Variants in TYK2 observed in about 807,000 individuals in gnomAD.
TYK2 encodes the protein tyrosine kinase 2, also known as non-receptor tyrosine-protein kinase TYK2.
A neutral mutation model predicts 130.9 loss-of-function variants in TYK2; 65 were observed. The ratio of observed to expected loss-of-function variants is 0.50; its 90% CI spans 0.41 to 0.61. The LOEUF is 0.61. TYK2 is among the 20% of genes least tolerant of loss of function. TYK2 has a pLI of 0.00. For missense variants in TYK2, 1,378 were observed against 1,610.7 expected (o/e 0.86, Z 2.47); for synonymous variants, 647 against 658.9 (o/e 0.98, Z 0.28).
chr19:10,367,984 G>A lies in TYK2; in HGVS notation c.465+71C>T. On this transcript the variant is annotated intron_variant, in intron 5 of 24. Transcript: ENST00000525621. ...CCTATTAGCTATATTGAATCAGGGA[G>A]GGAAATGGGGGCTCCTCAACTGCCC... The A allele has an allele frequency of 3.8e-6, 6 of 1,564,432 alleles. 1 individual carries two copies. The highest frequency in any genetic ancestry group is 5.3e-6 in the Non-Finnish European group (6 of 1,137,428).
intron 3 of TYK2, among the ~76,000 whole-genome samples, chr19:10,377,531 G>C (rs1191700081): frequency 1.7e-5 from 2 of 116,864 alleles, no homozygotes; most frequent in Non-Finnish European, 3.6e-5. Context: ...TGGGTGGATG[G>C]ATGGATGGAT....
chr19:10,372,244 C>T (rs1448843902), intron 3 of TYK2, among the ~76,000 whole-genome samples: 3 of 149,764 alleles, frequency 2.0e-5, no homozygotes, highest in East Asian at 2.0e-4. Context: ...TCGCCCACCT[C>T]AGCCTCCCAA....
chr19:10,378,834 T>C (rs577707711), intron 2 of TYK2, among the ~76,000 whole-genome samples: 824 of 5,798 alleles, frequency 0.14, 4 homozygotes, highest in Middle Eastern at 0.31. Context: ...TTTTATTTTA[T>C]ATCTTATCTT....
At chr19:10,357,474 T>A (rs1207131374) in intron 17 of TYK2, 2 of 703,188 alleles carry the variant, frequency 2.8e-6, no homozygotes, top group Non-Finnish European at 5.2e-6. Context: ...TCAGCCCTTC[T>A]TCCCCACTCT....
chr19:10,374,021 C>G (rs1437931342), intron 3 of TYK2, among the ~76,000 whole-genome samples: 5 of 152,130 alleles, frequency 3.3e-5, no homozygotes, highest in African/African-American at 4.8e-5. Context: ...AATCCCAGCA[C>G]TTTGGGAGGC....
Position 10,356,724 on chromosome 19 carries a change from G to A in TYK2, c.2467-6C>T. On this transcript the variant is annotated splice_region_variant and splice_polypyrimidine_tract_variant and intron_variant, in intron 17 of 24. Transcript: ENST00000525621. Reference sequence around the variant, plus strand: ...CTCTGGTAGAAATGCTCCTTCTGTTGGGAAAGGGACCCAGAGGAGTCAACA... The same window carrying A: ...CTCTGGTAGAAATGCTCCTTCTGTTAGGAAAGGGACCCAGAGGAGTCAACA... 2.5e-6 allele frequency: 4 copies of A among 1,601,292 alleles called. No individual in the cohort carries two copies. The highest frequency in any genetic ancestry group is 1.3e-5 in the African/African-American group (1 of 74,818).
intron 3 of TYK2, among the ~76,000 whole-genome samples, chr19:10,370,069 G>A (rs1394135949): frequency 1.3e-5 from 2 of 151,130 alleles, no homozygotes; most frequent in Non-Finnish European, 3.0e-5. Flanking sequence ...ACAAAACAAA[G>A]AATCAGCCAT....
intron 17 of TYK2, chr19:10,357,163 C>T (rs1289574328): frequency 1.0e-5 from 4 of 381,456 alleles, no homozygotes; most frequent in Non-Finnish European, 2.0e-5. Flanking sequence ...CCGAGGTGGG[C>T]GGATCACCTG....
chr19:10,369,268 C>G (rs573001721), intron 3 of TYK2, among the ~76,000 whole-genome samples: 1 of 152,210 alleles, frequency 6.6e-6, no homozygotes, highest in South Asian at 2.1e-4. Flanking sequence ...CTGGCTGTCT[C>G]CCCCTGGACA....
chr19:10,368,351 T>C lies in TYK2; in HGVS notation c.261A>G (p.Pro87=), dbSNP rs138055823. Residue 87 remains proline (P), a synonymous_variant, in exon 4 of 25, where the codon CCA becomes CCG. Coordinates refer to ENST00000525621, the MANE Select transcript of TYK2 (RefSeq NM_003331.5). Reference sequence around the variant, plus strand: ...CTCTGGGGATCTCTAGGATGTGGTTTGGGGGCAACCAGACTTGGGCCTGAG... The same window carrying C: ...CTCTGGGGATCTCTAGGATGTGGTTCGGGGGCAACCAGACTTGGGCCTGAG... ...FDAQAQVWLP[P]NHILEIPRDA... The C allele has an allele frequency of 3.3e-5, 53 of 1,613,966 alleles. No homozygotes were observed. In the African/African-American group the frequency reaches 6.3e-4, roughly 19 times the overall value.
chr19:10,355,637 T>A, intron 18 of TYK2, among the ~76,000 whole-genome samples: 1 of 105,034 alleles, frequency 9.5e-6, no homozygotes. Context: ...CAAAACTCCA[T>A]CTCAAAAAAA....
chr19:10,351,960 G>C (rs1277894398), intron 23 of TYK2, among the ~76,000 whole-genome samples: 3 of 151,484 alleles, frequency 2.0e-5, no homozygotes, highest in Admixed American at 2.0e-4. Context: ...GGCTGGTCTC[G>C]ATCTCCTGAC....
chr19:10,373,916 T>C (rs2042012925), intron 3 of TYK2, among the ~76,000 whole-genome samples: 1 of 152,104 alleles, frequency 6.6e-6, no homozygotes, highest in Non-Finnish European at 1.5e-5. Flanking sequence ...CCATGCATGC[T>C]GTTCCCTCTG....
At chr19:10,368,442 C>A (rs2041765961) in intron 3 of TYK2, 24 bp from the exon 4 acceptor site, 2 of 1,613,924 alleles carry the variant, frequency 1.2e-6, no homozygotes, top group South Asian at 2.2e-5. Flanking sequence ...GAAACGAGGT[C>A]AGGAGTCACG....
At chr19:10,351,517 TC>T (rs1371250504) in intron 23 of TYK2, 1 of 325,342 alleles carries the variant, frequency 3.1e-6, no homozygotes, top group Non-Finnish European at 6.0e-6. Context: ...CTCTGCAACT[TC>T]ATGAAATCGA....
At chr19:10,368,641 G>C (rs2041778066) in intron 3 of TYK2, 1 of 561,012 alleles carries the variant, frequency 1.8e-6, no homozygotes, top group Non-Finnish European at 3.1e-6. Context: ...AGCTAGGATG[G>C]AGCCAATTGC....
rs12720352 is a variant in TYK2 at position 10,366,622 on chromosome 19, C to G, written c.466-42G>C. ...GAGCAGAAAGGGAGGTGTGAGAATG[C>G]GTTCCTCTCTAGCCCAGAGGTATCC... is the stretch of plus-strand genomic sequence containing the variant. On this transcript the variant is annotated intron_variant, in intron 5 of 24. Transcript: ENST00000525621. 92 of 1,610,688 alleles carry G rather than the reference C, an allele frequency of 5.7e-5. 3 individuals are homozygous for G. The South Asian group carries it at 9.6e-4, about 17-fold the overall frequency.
At chr19:10,366,316 A>T in intron 6 of TYK2, 101 bp downstream of exon 6, 1 of 1,334,380 alleles carries the variant, frequency 7.5e-7, no homozygotes, top group South Asian at 1.4e-5. Context: ...CAGAAAAAAA[A>T]AAAAGTAGAG....
chr19:10,375,548 T>TG (rs2042083006), intron 3 of TYK2, among the ~76,000 whole-genome samples: 1 of 151,494 alleles, frequency 6.6e-6, no homozygotes, highest in South Asian at 2.1e-4. Context: ...ACCTGGGACA[T>TG]GGAGGTTGCA....
Sources: allele counts gnomAD v4.1 joint callset (sites outside exome capture counted in the v4.1 genomes callset), GRCh38; gene constraint gnomAD v4.1.1; transcripts MANE v1.5; gene names NCBI Gene and HGNC (gene_info 2026-07-23, HGNC 2026-07-21).